The following SVEP1 variants were observed in gnomAD, a reference collection of about 807,000 sequenced individuals.
SVEP1 encodes the protein sushi, von Willebrand factor type A, EGF and pentraxin domain-containing protein 1.
A neutral mutation model predicts 367.3 loss-of-function variants in SVEP1; 164 were observed. The observed-to-expected ratio is 0.45, with a 90% CI of 0.39 to 0.51. The LOEUF is 0.51. Among genes scored for constraint, SVEP1 ranks in the 20% least tolerant of loss-of-function variants. The pLI, the probability that SVEP1 is intolerant of heterozygous loss-of-function variation, is 0.00. For missense variants in SVEP1, 4,117 were observed against 4,425.3 expected (o/e 0.93, Z 1.98); for synonymous variants, 1,666 against 1,611.6 (o/e 1.03, Z -0.81).
chr9:110,526,769 A>T (rs1388486107), intron 3 of SVEP1, among the ~76,000 whole-genome samples: 2 of 152,154 alleles, frequency 1.3e-5, no homozygotes, highest in African/African-American at 4.8e-5. Context: ...CAAAACCTGG[A>T]AACAATCCAG....
chr9:110,409,862 A>G (rs1352430334), intron 37 of SVEP1, among the ~76,000 whole-genome samples: 1 of 116,556 alleles, frequency 8.6e-6, no homozygotes, highest in Non-Finnish European at 2.0e-5. Context: ...AATAAACAAA[A>G]TTACTCATTT....
At position 110,579,616 on chromosome 9, in the gene SVEP1, A is replaced by G. The variant is rs1830670228; in HGVS notation, c.-73T>C. ...GCGGGAAGAGGCGCTGGGCGGCCGG[A>G]CTCGCAGAGGGGCGTGCGCGGAGCT... On this transcript the variant is annotated 5_prime_UTR_variant, in exon 1 of 48. Transcript: ENST00000374469. The surrounding 1 kb of genome is among the most constrained non-coding windows in gnomAD (Gnocchi z 5.3). 6.9e-7 allele frequency: 1 copy of G among 1,448,428 alleles called. No individual in the cohort carries two copies. Among genetic ancestry groups the G allele is most frequent in the Non-Finnish European group, 9.0e-7 (1 of 1,107,208 alleles). 89.7% of individuals were successfully genotyped at this position (1,448,428 alleles called of 1,614,324 possible).
In SVEP1 at chr9:110,387,384, C is replaced by T. The variant is rs375396556; in HGVS notation, c.9961G>A (p.Val3321Met). 2.2e-5 allele frequency: 36 copies of T among 1,613,568 alleles called. No individual in the cohort carries two copies. Among genetic ancestry groups the T allele is most frequent in the African/African-American group, 5.3e-5 (4 of 74,912 alleles). ...DIENRTTGPNVVYSCNRGYSL... is the reference protein window; with the variant it reads ...DIENRTTGPNMVYSCNRGYSL... Reference sequence around the variant, plus strand: ...TAGCCTCTGTTGCAGGAATATACCACGTTGGGTCCAGTCGTCCTGTTTTCA... The same window carrying T: ...TAGCCTCTGTTGCAGGAATATACCATGTTGGGTCCAGTCGTCCTGTTTTCA... Residue 3321 changes from valine (V) to methionine (M), a missense_variant, in exon 42 of 48, where the codon GTG becomes ATG. This residue lies in a region of SVEP1 where 1,765 missense variants were observed against 1,781.1 expected (regional missense o/e 0.99). Transcript: ENST00000374469.
intron 24 of SVEP1, 116 bp downstream of exon 24, chr9:110,449,943 G>T (rs1828666056): frequency 8.3e-7 from 1 of 1,198,188 alleles, no homozygotes; most frequent in Non-Finnish European, 1.2e-6. Context: ...CTATCCTCGG[G>T]CCAGCATTTG....
At chr9:110,502,699 A>T (rs1041947029) in intron 6 of SVEP1, among the ~76,000 whole-genome samples, 2 of 152,216 alleles carry the variant, frequency 1.3e-5, no homozygotes, top group Non-Finnish European at 2.9e-5. Flanking sequence ...TAAATGTAAA[A>T]CATGTTTAAC....
At chr9:110,381,508 T>C (rs1827436447) in intron 43 of SVEP1, among the ~76,000 whole-genome samples, 1 of 152,208 alleles carries the variant, frequency 6.6e-6, no homozygotes, top group South Asian at 2.1e-4. Flanking sequence ...TGGTTTTGAG[T>C]TTCTTAATCC....
At chr9:110,547,483 G>C (rs1283659170) in intron 2 of SVEP1, among the ~76,000 whole-genome samples, 3 of 152,316 alleles carry the variant, frequency 2.0e-5, no homozygotes, top group Middle Eastern at 3.4e-3. Context: ...ACTGAGGTGG[G>C]AGGATCACTT....
At chr9:110,404,750 T>G (rs1393403764) in intron 38 of SVEP1, among the ~76,000 whole-genome samples, 198 bp from the exon 39 acceptor site, 1 of 151,884 alleles carries the variant, frequency 6.6e-6, no homozygotes, top group African/African-American at 2.4e-5. Context: ...TTGAGCTGGG[T>G]GCGGTGGCTC....
At chr9:110,375,693 A>G (rs1206884160) in intron 45 of SVEP1, among the ~76,000 whole-genome samples, 2 of 152,140 alleles carry the variant, frequency 1.3e-5, no homozygotes, top group Admixed American at 1.3e-4. Context: ...TAATGACTTT[A>G]AGGCCAAATC....
At chr9:110,457,501 T>C in intron 20 of SVEP1, 149 bp from the exon 21 acceptor site, 2 of 642,906 alleles carry the variant, frequency 3.1e-6, no homozygotes, top group Non-Finnish European at 5.5e-6. Context: ...GCTGCCTGAA[T>C]AACACTGGTG....
chr9:110,492,238 G>A (rs994062482), intron 8 of SVEP1, among the ~76,000 whole-genome samples: 31 of 152,156 alleles, frequency 2.0e-4, no homozygotes, highest in African/African-American at 7.0e-4. Context: ...CCAAAACTAT[G>A]TAAACACATA....
At chr9:110,390,449 ACTCCATATATATCTTGG>A (rs1254192792) in intron 40 of SVEP1, among the ~76,000 whole-genome samples, 21 of 148,892 alleles carry the variant, frequency 1.4e-4, no homozygotes, top group African/African-American at 5.2e-4. Context: ...ACTTAGGTTG[ACTCCATATATATCTTGG>A]TAATTGTGTA....
At chr9:110,466,335 G>C (rs948915811) in intron 17 of SVEP1, among the ~76,000 whole-genome samples, 1 of 152,134 alleles carries the variant, frequency 6.6e-6, no homozygotes, top group African/African-American at 2.4e-5. Flanking sequence ...CACTATGATA[G>C]GAACAAGTTG....
At position 110,452,609 on chromosome 9, in the gene SVEP1, G is replaced by C. The variant is rs188030580; in HGVS notation, c.3788-1207C>G. ...TGATGAGTCTGCTGGTCTGCAGTTG[G>C]TCTCACAGCATGTGGACCTCTTAGA... is the stretch of plus-strand genomic sequence containing the variant. On this transcript the variant is annotated intron_variant, in intron 22 of 47. Transcript: ENST00000374469. 3.3e-5 allele frequency among the ~76,000 whole-genome samples: 5 copies of C among 152,298 alleles called. No individual in the cohort carries two copies. In the East Asian group the frequency reaches 9.6e-4, roughly 29 times the overall value.
chr9:110,404,521 T>C lies in SVEP1; in HGVS notation c.9472A>G (p.Thr3158Ala), dbSNP rs897106064. The change falls in exon 39 of 48, where the codon ACA (threonine) becomes GCA (alanine). Residue 3158 changes from threonine to alanine, a missense_variant. By Grantham distance (58) the Thr-to-Ala change is moderately conservative. This residue lies in a region of SVEP1 where 1,765 missense variants were observed against 1,781.1 expected (regional missense o/e 0.99). Transcript: ENST00000374469. ...TCTTTCTGACAGGTGAATGTATCTGTATCTGTATCCATCGTATAACCTTCC... is the reference window on the plus strand; with the variant it reads ...TCTTTCTGACAGGTGAATGTATCTGCATCTGTATCCATCGTATAACCTTCC... Reference protein sequence around the residue: ...CLEGYTMDTDTDTFTCQKDGR... With the variant: ...CLEGYTMDTDADTFTCQKDGR... 4.3e-6 allele frequency: 7 copies of C among 1,614,026 alleles called. No individual in the cohort carries two copies. The highest frequency in any genetic ancestry group is 5.9e-6 in the Non-Finnish European group (7 of 1,179,882).
At chr9:110,370,401 C>T (rs1335618947) in intron 46 of SVEP1, among the ~76,000 whole-genome samples, 2 of 152,192 alleles carry the variant, frequency 1.3e-5, no homozygotes, top group East Asian at 3.9e-4. Flanking sequence ...ACATTTCTTT[C>T]CACTGACTTG....
chr9:110,388,778 G>C (rs183461469), intron 41 of SVEP1, among the ~76,000 whole-genome samples: 4 of 152,160 alleles, frequency 2.6e-5, no homozygotes, highest in Admixed American at 1.3e-4. Context: ...AGACCAGCCA[G>C]GCCAACATGG....
intron 36 of SVEP1, among the ~76,000 whole-genome samples, chr9:110,417,420 C>T (rs1395811323): frequency 5.6e-5 from 3 of 53,852 alleles, no homozygotes; most frequent in African/African-American, 2.3e-4. Context: ...GCTTAAGAAA[C>T]GGCGCACCAC....
intron 3 of SVEP1, among the ~76,000 whole-genome samples, chr9:110,532,372 G>A (rs942390450): frequency 2.0e-5 from 3 of 152,126 alleles, no homozygotes; most frequent in Non-Finnish European, 4.4e-5. Flanking sequence ...AGGGATGAGA[G>A]GAAAGGTGTC....
Sources: gnomAD v4.1 joint callset for allele counts (sites outside exome capture counted in the v4.1 genomes callset) on GRCh38, gnomAD v4.1.1 for gene constraint, gnomAD v4.1.1 regional missense constraint, Gnocchi (gnomAD v3.1) non-coding constraint, MANE v1.5 for transcripts, NCBI Gene and HGNC (gene_info 2026-07-23, HGNC 2026-07-21) for gene names.